The following SH3PXD2A variants were observed in gnomAD, a reference collection of about 807,000 sequenced individuals.
SH3PXD2A encodes SH3 and PX domain-containing protein 2A.
Under a neutral mutation model 115.2 loss-of-function variants are expected in SH3PXD2A, and 32 were observed. The ratio of observed to expected loss-of-function variants is 0.28; its 90% CI spans 0.21 to 0.37. SH3PXD2A has a LOEUF of 0.37. Among genes scored for constraint, SH3PXD2A ranks in the 10% least tolerant of loss-of-function variants. The pLI is 1.00. For missense variants in SH3PXD2A, 1,328 were observed against 1,498.7 expected (o/e 0.89, Z 1.88); for synonymous variants, 610 against 629.1 (o/e 0.97, Z 0.45).
intron 2 of SH3PXD2A, among the ~76,000 whole-genome samples, chr10:103,797,075 G>C (rs1365648124): frequency 6.6e-6 from 1 of 151,986 alleles, no homozygotes; most frequent in Non-Finnish European, 1.5e-5. Flanking sequence ...CATTGCCCAG[G>C]CTGGTCTTGA....
At chr10:103,775,763 T>G (rs1296158847) in intron 2 of SH3PXD2A, among the ~76,000 whole-genome samples, 1 of 152,148 alleles carries the variant, frequency 6.6e-6, no homozygotes, top group Admixed American at 6.5e-5. Flanking sequence ...TGAGGGCAGA[T>G]GCCTGATGTG....
chr10:103,766,201 G>A (rs181711735), intron 3 of SH3PXD2A, among the ~76,000 whole-genome samples: 158 of 152,346 alleles, frequency 1.0e-3, no homozygotes, highest in African/African-American at 3.6e-3. Flanking sequence ...TTAGCAAGGT[G>A]CAGGCCCTGC....
chr10:103,737,212 G>C (rs943423214), intron 3 of SH3PXD2A, among the ~76,000 whole-genome samples: 1 of 152,176 alleles, frequency 6.6e-6, no homozygotes, highest in Admixed American at 6.5e-5. Flanking sequence ...TCCTAAACCA[G>C]GGTCCACCTG....
At chr10:103,748,537 G>A (rs953725457) in intron 3 of SH3PXD2A, among the ~76,000 whole-genome samples, 7 of 152,190 alleles carry the variant, frequency 4.6e-5, no homozygotes, top group African/African-American at 1.4e-4. Context: ...CCCTGCCCTC[G>A]CAAAGGATAC....
At chr10:103,729,615 T>A (rs977500537) in intron 4 of SH3PXD2A, among the ~76,000 whole-genome samples, 2 of 152,224 alleles carry the variant, frequency 1.3e-5, no homozygotes, top group Non-Finnish European at 2.9e-5. Flanking sequence ...TGCAGGTCCC[T>A]GGAGAATGTC....
At chr10:103,793,189 C>T (rs2039052221) in intron 2 of SH3PXD2A, among the ~76,000 whole-genome samples, 1 of 152,186 alleles carries the variant, frequency 6.6e-6, no homozygotes, top group Non-Finnish European at 1.5e-5. Flanking sequence ...CCCCCTTTAT[C>T]AAGCCCTTCC....
At chr10:103,714,260 C>T (rs1029374306) in intron 5 of SH3PXD2A, among the ~76,000 whole-genome samples, 3 of 152,170 alleles carry the variant, frequency 2.0e-5, no homozygotes, top group Non-Finnish European at 2.9e-5. Context: ...AGAGTGGGCA[C>T]ATGGGGGTCT....
chr10:103,656,695 T>C (rs973819287), intron 8 of SH3PXD2A, among the ~76,000 whole-genome samples: 2 of 152,008 alleles, frequency 1.3e-5, no homozygotes, highest in Non-Finnish European at 2.9e-5. Flanking sequence ...TCAGCCGTGG[T>C]AGCAGGTGCC....
At chr10:103,776,331 TG>T (rs1405140880) in intron 2 of SH3PXD2A, among the ~76,000 whole-genome samples, 2 of 148,456 alleles carry the variant, frequency 1.3e-5, no homozygotes, top group Admixed American at 1.4e-4. Context: ...AGGTTGAGGC[TG>T]CAGTGAGCCA....
intron 3 of SH3PXD2A, among the ~76,000 whole-genome samples, chr10:103,753,663 A>C (rs1055364161): frequency 6.6e-6 from 1 of 152,204 alleles, no homozygotes; most frequent in African/African-American, 2.4e-5. Context: ...ACTTGTCATT[A>C]AATGAGACAA....
chr10:103,854,207 C>T lies in SH3PXD2A; in HGVS notation c.72+988G>A, dbSNP rs887453590. ...ATCAATGTACAATCCAGGGCAGCAA[C>T]CAGCGCCTGTTTTAACTGTTAAGAT... On this transcript the variant is annotated intron_variant, in intron 1 of 14. Coordinates refer to ENST00000369774, the MANE Select transcript of SH3PXD2A (RefSeq NM_001394015.1). Among the ~76,000 whole-genome samples, 4 of 152,332 alleles carry T rather than the reference C, an allele frequency of 2.6e-5. No individual in the cohort carries two copies. The South Asian group carries it at 8.3e-4, about 32-fold the overall frequency.
intron 1 of SH3PXD2A, among the ~76,000 whole-genome samples, chr10:103,831,729 G>A (rs183797578): frequency 2.4e-3 from 360 of 152,226 alleles, no homozygotes; most frequent in African/African-American, 8.3e-3. Flanking sequence ...ACAGAATTAT[G>A]CAACTAATAC....
chr10:103,834,796 C>T (rs1213868699), intron 1 of SH3PXD2A, among the ~76,000 whole-genome samples: 1 of 152,192 alleles, frequency 6.6e-6, no homozygotes, highest in Non-Finnish European at 1.5e-5. Context: ...AAGTAATTTG[C>T]CCAAAGTCAC....
At chr10:103,668,955 G>A (rs937024386) in intron 6 of SH3PXD2A, among the ~76,000 whole-genome samples, 3 of 152,252 alleles carry the variant, frequency 2.0e-5, no homozygotes, top group East Asian at 1.9e-4. Context: ...AACGGGGCCC[G>A]TGGTTATCAC....
intron 3 of SH3PXD2A, among the ~76,000 whole-genome samples, chr10:103,742,320 G>C (rs907290047): frequency 6.6e-6 from 1 of 152,130 alleles, no homozygotes; most frequent in Non-Finnish European, 1.5e-5. Flanking sequence ...GCATCACTCC[G>C]ATCTCTGTCT....
intron 5 of SH3PXD2A, among the ~76,000 whole-genome samples, chr10:103,700,970 A>AT (rs200144542): frequency 6.5e-4 from 94 of 144,088 alleles, no homozygotes; most frequent in South Asian, 1.6e-3. Flanking sequence ...CCATCCATCC[A>AT]CCATCCATCC....
chr10:103,773,524 C>T (rs1483685630), intron 2 of SH3PXD2A, among the ~76,000 whole-genome samples: 1 of 151,878 alleles, frequency 6.6e-6, no homozygotes, highest in South Asian at 2.1e-4. Context: ...ACTGCAACCC[C>T]CTCCTCCCAG....
chr10:103,658,166 A>T (rs1373667181), intron 8 of SH3PXD2A, among the ~76,000 whole-genome samples: 1 of 152,194 alleles, frequency 6.6e-6, no homozygotes, highest in Non-Finnish European at 1.5e-5. Flanking sequence ...CTTTAGACCA[A>T]TGAGAGCACA....
In SH3PXD2A at chr10:103,680,431, A is replaced by G. The variant is rs1160339668; in HGVS notation, c.428-11779T>C. 3.3e-5 allele frequency among the ~76,000 whole-genome samples: 5 copies of G among 151,792 alleles called. No homozygotes were observed. The East Asian group carries it at 9.7e-4, about 29-fold the overall frequency. On this transcript the variant is annotated intron_variant, in intron 6 of 14. Coordinates refer to ENST00000369774, the MANE Select transcript of SH3PXD2A (RefSeq NM_001394015.1). ...GTAGCTGAAACCACAGGTGTGTGCC[A>G]CCACACTGGACTAATTTTTTATTTT...
Sources: gnomAD v4.1 joint callset for allele counts (sites outside exome capture counted in the v4.1 genomes callset) on GRCh38, gnomAD v4.1.1 for gene constraint, MANE v1.5 for transcripts, NCBI Gene and HGNC (gene_info 2026-07-23, HGNC 2026-07-21) for gene names.